LINGO2: variants seen among roughly 807,000 people sequenced by gnomAD.
The protein encoded by LINGO2 is leucine rich repeat and Ig domain containing 2, also known as leucine-rich repeat and immunoglobulin-like domain-containing nogo receptor-interacting protein 2.
LINGO2 carries 14 observed loss-of-function variants against 30.6 expected under a neutral mutation model. That is an observed-to-expected ratio of 0.46 (90% confidence interval 0.30 to 0.72). The LOEUF is 0.72. Ranked by LOEUF, LINGO2 falls within the 30% of genes least tolerant of loss-of-function variation. The probability of loss-of-function intolerance (pLI) is 0.07; values close to 1 mark genes in which losing one functional copy is unlikely to be tolerated. For synonymous variants in LINGO2, 317 were observed against 288.5 expected (o/e 1.10, Z -1.00); for missense variants, 729 against 751.7 (o/e 0.97, Z 0.35).
chr9:29,187,272 G>T, the LINGO2 span, among the ~76,000 whole-genome samples: 26 of 152,266 alleles, frequency 1.7e-4, no homozygotes, highest in African/African-American at 6.3e-4. Flanking sequence ...CCCTGCTGGA[G>T]AACTGAGCAA....
the LINGO2 span, among the ~76,000 whole-genome samples, chr9:28,691,559 G>T: frequency 6.6e-6 from 1 of 150,600 alleles, no homozygotes; most frequent in South Asian, 2.1e-4. Flanking sequence ...CTTCTCTATT[G>T]CATCCTTAAG....
intron 3 of LINGO2, among the ~76,000 whole-genome samples, chr9:28,319,297 C>T (rs1358031425): frequency 6.6e-6 from 1 of 152,160 alleles, no homozygotes; most frequent in Non-Finnish European, 1.5e-5. Flanking sequence ...ATGGGTGGAA[C>T]CCTGTCAGTC....
intron 1 of LINGO2, among the ~76,000 whole-genome samples, chr9:28,528,377 G>T (rs561998455): frequency 6.6e-6 from 1 of 152,270 alleles, no homozygotes; most frequent in Non-Finnish European, 1.5e-5. Context: ...CTATGGTCTA[G>T]TTTCAGAAAG....
intron 1 of LINGO2, among the ~76,000 whole-genome samples, chr9:28,496,488 C>A (rs532550653): frequency 2.0e-5 from 3 of 150,692 alleles, no homozygotes; most frequent in Admixed American, 6.6e-5. Flanking sequence ...GCAACCCCTG[C>A]CTTTTTGTTT....
intron 2 of LINGO2, among the ~76,000 whole-genome samples, chr9:28,394,145 G>A (rs963116382): frequency 6.6e-6 from 1 of 152,154 alleles, no homozygotes; most frequent in Non-Finnish European, 1.5e-5. Flanking sequence ...GGTAAGGGTA[G>A]CCAGTCAGTG....
intron 4 of LINGO2, among the ~76,000 whole-genome samples, chr9:28,014,396 G>C (rs1307167263): frequency 6.6e-6 from 1 of 152,066 alleles, no homozygotes; most frequent in Admixed American, 6.6e-5. Context: ...CAAGCACCTA[G>C]ATTAGAAAAC....
At chr9:28,614,346 T>G (rs569868091) in intron 1 of LINGO2, among the ~76,000 whole-genome samples, 22 of 152,264 alleles carry the variant, frequency 1.4e-4, no homozygotes, top group Admixed American at 9.8e-4. Flanking sequence ...TTTTCATTAG[T>G]GAAAATAACG....
chr9:28,841,676 A>AT, the LINGO2 span, among the ~76,000 whole-genome samples: 1 of 151,732 alleles, frequency 6.6e-6, no homozygotes, highest in Non-Finnish European at 1.5e-5. Flanking sequence ...TGGGTTGGGA[A>AT]TTGCAATTTT....
the LINGO2 span, among the ~76,000 whole-genome samples, chr9:28,878,541 A>G: frequency 6.6e-6 from 1 of 152,216 alleles, no homozygotes; most frequent in Non-Finnish European, 1.5e-5. Context: ...ACCAAAAAAG[A>G]GAATTTTAGA....
intron 5 of LINGO2, among the ~76,000 whole-genome samples, chr9:27,962,637 G>A (rs1819904762): frequency 6.6e-6 from 1 of 152,142 alleles, no homozygotes. Context: ...AAACTGTGGA[G>A]GAATGTTGTG....
chr9:28,920,051 T>C, the LINGO2 span, among the ~76,000 whole-genome samples: 31 of 152,144 alleles, frequency 2.0e-4, no homozygotes, highest in African/African-American at 7.5e-4. Flanking sequence ...TATTATAAAA[T>C]CAATTACTGC....
the LINGO2 span, among the ~76,000 whole-genome samples, chr9:28,856,016 A>G: frequency 6.6e-6 from 1 of 151,986 alleles, no homozygotes; most frequent in Non-Finnish European, 1.5e-5. Flanking sequence ...GCAGGAATTC[A>G]TAAGATGGTT....
At chr9:29,092,513 A>G in the LINGO2 span, among the ~76,000 whole-genome samples, 1 of 152,100 alleles carries the variant, frequency 6.6e-6, no homozygotes, top group Non-Finnish European at 1.5e-5. Context: ...CTCACTCATC[A>G]GGTTCAACTA....
chr9:28,030,045 AG>A (rs1350016716), intron 4 of LINGO2, among the ~76,000 whole-genome samples: 1 of 152,314 alleles, frequency 6.6e-6, no homozygotes, highest in East Asian at 1.9e-4. Context: ...ACACAAGTAA[AG>A]CTGATCCCCA....
intron 4 of LINGO2, among the ~76,000 whole-genome samples, chr9:28,239,522 T>C (rs550636998): frequency 1.1e-3 from 174 of 152,178 alleles, no homozygotes; most frequent in Non-Finnish European, 2.2e-3. Flanking sequence ...ACCAACAGAA[T>C]GAAGGACAAA....
chr9:28,812,207 T>A, the LINGO2 span, among the ~76,000 whole-genome samples: 2 of 152,094 alleles, frequency 1.3e-5, no homozygotes, highest in Non-Finnish European at 2.9e-5. Flanking sequence ...AAGGGCTACC[T>A]GTCAAATTTA....
At chr9:28,634,863 A>G (rs1827183055) in intron 1 of LINGO2, among the ~76,000 whole-genome samples, 1 of 152,186 alleles carries the variant, frequency 6.6e-6, no homozygotes, top group African/African-American at 2.4e-5. Flanking sequence ...GAGTCTGTGA[A>G]TAGAAAAATC....
At chr9:29,167,417 T>G in the LINGO2 span, among the ~76,000 whole-genome samples, 2 of 152,148 alleles carry the variant, frequency 1.3e-5, no homozygotes, top group African/African-American at 2.4e-5. Context: ...ATTAAAGTTC[T>G]TAGTACTGAA....
chr9:28,104,549 A>G (rs907837827), intron 4 of LINGO2, among the ~76,000 whole-genome samples: 1 of 151,974 alleles, frequency 6.6e-6, no homozygotes, highest in Non-Finnish European at 1.5e-5. Flanking sequence ...ACTACCTCTA[A>G]TGACCATTTT....
Sources: allele counts gnomAD v4.1 joint callset (sites outside exome capture counted in the v4.1 genomes callset), GRCh38; gene constraint gnomAD v4.1.1; transcripts MANE v1.5; gene names NCBI Gene and HGNC (gene_info 2026-07-23, HGNC 2026-07-21).